Variants in SGPP1 observed in about 807,000 individuals in gnomAD.
The protein encoded by SGPP1 is hSPP1.
SGPP1 carries 21 observed loss-of-function variants against 33.0 expected under a neutral mutation model. The ratio of observed to expected loss-of-function variants is 0.64; its 90% CI spans 0.45 to 0.92. The LOEUF (loss-of-function observed/expected upper bound fraction) is 0.92, where lower values mean the gene tolerates loss of function less well. SGPP1 is among the 40% of genes least tolerant of loss of function. The pLI is 0.00. For synonymous variants in SGPP1, 239 were observed against 241.2 expected, an observed-to-expected ratio of 0.99 and a Z score of 0.08; for missense variants, 543 against 589.4, an observed-to-expected ratio of 0.92 and a Z score of 0.81.
intron 1 of SGPP1, among the ~76,000 whole-genome samples, chr14:63,699,809 A>C (rs1400161662): frequency 2.0e-5 from 3 of 151,754 alleles, no homozygotes; most frequent in Non-Finnish European, 4.4e-5. Flanking sequence ...TGAAACTCTA[A>C]ATACCCTCGA....
chr14:63,712,621 T>C (rs1245214685), intron 1 of SGPP1, among the ~76,000 whole-genome samples: 1 of 152,216 alleles, frequency 6.6e-6, no homozygotes, highest in Non-Finnish European at 1.5e-5. Context: ...GGCAGACATG[T>C]GCGTATGAAA....
chr14:63,715,304 C>T (rs755612958), intron 1 of SGPP1, among the ~76,000 whole-genome samples: 3 of 152,010 alleles, frequency 2.0e-5, no homozygotes, highest in Non-Finnish European at 4.4e-5. Context: ...CATAATCCAC[C>T]GCACCCAGCC....
At chr14:63,688,080 G>A (rs530293541) in intron 2 of SGPP1, among the ~76,000 whole-genome samples, 3 of 151,988 alleles carry the variant, frequency 2.0e-5, no homozygotes, top group South Asian at 4.2e-4. Context: ...AGTCAAGATC[G>A]CACCATTGCA....
chr14:63,714,781 C>T (rs1463813545), intron 1 of SGPP1, among the ~76,000 whole-genome samples: 2 of 150,628 alleles, frequency 1.3e-5, no homozygotes, highest in Non-Finnish European at 1.5e-5. Flanking sequence ...ACTGAGTTGC[C>T]CAAGCTGGAG....
chr14:63,716,818 C>T (rs758217820), intron 1 of SGPP1, among the ~76,000 whole-genome samples: 1 of 152,022 alleles, frequency 6.6e-6, no homozygotes, highest in Non-Finnish European at 1.5e-5. Context: ...CTCAGCCTCC[C>T]AAGTAGCTGG....
rs572055025 is a variant in SGPP1, at chr14:63,720,553, G to A, written c.684+6708C>T. 8.0e-4 allele frequency among the ~76,000 whole-genome samples: 122 copies of A among 152,158 alleles called. 6 individuals are homozygous for A. In the South Asian group the frequency reaches 0.025, roughly 31 times the overall value. ...GCGGGTGGATCACCTGAGGTCAAGA[G>A]TTCAAGACCAGCCTGGCCAACATGC... On this transcript the variant is annotated intron_variant, in intron 1 of 2. Coordinates refer to ENST00000247225, the MANE Select transcript of SGPP1 (RefSeq NM_030791.4).
intron 1 of SGPP1, among the ~76,000 whole-genome samples, chr14:63,715,025 CCTTT>C (rs1407310691): frequency 2.7e-5 from 4 of 148,160 alleles, no homozygotes; most frequent in African/African-American, 9.9e-5. Flanking sequence ...TCCCAGCCGA[CCTTT>C]TTTTTTTTTT....
At chr14:63,726,593 T>C (rs754320432) in intron 1 of SGPP1, among the ~76,000 whole-genome samples, 2 of 152,212 alleles carry the variant, frequency 1.3e-5, no homozygotes, top group Non-Finnish European at 2.9e-5. Context: ...AATAACACTA[T>C]AGTATTACAG....
chr14:63,695,857 G>C (rs2139632493), intron 2 of SGPP1, among the ~76,000 whole-genome samples: 1 of 152,344 alleles, frequency 6.6e-6, no homozygotes, highest in South Asian at 2.1e-4. Flanking sequence ...ATTGCAGTGA[G>C]CTATGTTTGC....
Position 63,685,985 on chromosome 14 carries a change from A to T in SGPP1, c.*120T>A. On this transcript the variant is annotated 3_prime_UTR_variant, in exon 3 of 3. Coordinates refer to ENST00000247225, the MANE Select transcript of SGPP1 (RefSeq NM_030791.4). ...TGCACTGACTCTTATGAATTTACTT[A>T]AATAATTATTTAAGTTAAATTCCTG... 1 of 593,758 alleles carries T rather than the reference A, an allele frequency of 1.7e-6. No homozygotes were observed. Among genetic ancestry groups the T allele is most frequent in the Non-Finnish European group, 2.9e-6 (1 of 349,020 alleles). The allele number at this position is 593,758 out of a possible 1,614,324, so 36.8% of individuals were successfully genotyped here. A position where few individuals can be genotyped will look rare whatever the true frequency, so the allele number is the denominator to read the frequency against.
At chr14:63,720,182 CT>C (rs1885741450) in intron 1 of SGPP1, among the ~76,000 whole-genome samples, 1 of 150,284 alleles carries the variant, frequency 6.7e-6, no homozygotes, top group Non-Finnish European at 1.5e-5. Flanking sequence ...AATCCCAGCA[CT>C]TTGGTAAGCT....
chr14:63,716,738 G>A (rs1885636345), intron 1 of SGPP1, among the ~76,000 whole-genome samples: 1 of 151,332 alleles, frequency 6.6e-6, no homozygotes, highest in South Asian at 2.1e-4. Flanking sequence ...CTGTCACCCA[G>A]GCTGGAGTGC....
Position 63,684,539 on chromosome 14 carries a change from C to T in SGPP1, c.*1566G>A, listed in dbSNP as rs957682504. ...CCAGCTTCAGTTTTGGTAAAAATTA[C>T]CATGCCCCTAAATTCTCAATCAGAA... On this transcript the variant is annotated 3_prime_UTR_variant, in exon 3 of 3. Transcript: ENST00000247225. 5 of 152,354 alleles carry T rather than the reference C, an allele frequency of 3.3e-5. No individual in the cohort carries two copies. The highest frequency in any genetic ancestry group is 1.2e-4 in the African/African-American group (5 of 41,408). 9.4% of individuals were successfully genotyped at this position (152,354 alleles called of 1,614,324 possible). A position where few individuals can be genotyped will look rare whatever the true frequency, so the allele number is the denominator to read the frequency against.
At chr14:63,723,321 A>G (rs910566838) in intron 1 of SGPP1, among the ~76,000 whole-genome samples, 26 of 152,330 alleles carry the variant, frequency 1.7e-4, no homozygotes, top group Admixed American at 3.9e-4. Context: ...GGAAAAGGTC[A>G]TAACATTTTC....
At chr14:63,707,851 T>A (rs1042387350) in intron 1 of SGPP1, among the ~76,000 whole-genome samples, 2 of 152,144 alleles carry the variant, frequency 1.3e-5, no homozygotes, top group Admixed American at 6.6e-5. Context: ...ATTTTTTTTT[T>A]AAATCCCTAT....
At position 63,700,961 on chromosome 14, in the gene SGPP1, C is replaced by T. The variant is rs76224661; in HGVS notation, c.685-2303G>A. On this transcript the variant is annotated intron_variant, in intron 1 of 2. Transcript: ENST00000247225. ...CAAAGTGGACAAAGCTGTTTGCTAA[C>T]GCATAATGGATTTGTAACACAAGAT... Among the ~76,000 whole-genome samples, 1,039 of 152,184 alleles carry T rather than the reference C, an allele frequency of 6.8e-3. 14 individuals carry two copies. The highest frequency in any genetic ancestry group is 0.024 in the African/African-American group (977 of 41,526).
At chr14:63,720,452 T>C (rs1885747630) in intron 1 of SGPP1, among the ~76,000 whole-genome samples, 2 of 151,974 alleles carry the variant, frequency 1.3e-5, no homozygotes, top group Admixed American at 1.3e-4. Context: ...GTATATTACC[T>C]TGTGTATGAA....
intron 1 of SGPP1, among the ~76,000 whole-genome samples, chr14:63,725,896 C>T (rs1157230070): frequency 6.6e-6 from 1 of 152,188 alleles, no homozygotes; most frequent in African/African-American, 2.4e-5. Flanking sequence ...AGGCCAAACA[C>T]AGCTCATTGA....
intron 2 of SGPP1, among the ~76,000 whole-genome samples, chr14:63,690,053 T>C (rs935824829): frequency 1.3e-5 from 2 of 152,198 alleles, no homozygotes; most frequent in Admixed American, 1.3e-4. Context: ...TGAACTTGAA[T>C]GCTTCTCTGT....
Sources: allele counts gnomAD v4.1 joint callset (sites outside exome capture counted in the v4.1 genomes callset), GRCh38; gene constraint gnomAD v4.1.1; transcripts MANE v1.5; gene names NCBI Gene and HGNC (gene_info 2026-07-23, HGNC 2026-07-21).